Variants in SGCD observed in about 807,000 individuals in gnomAD.
SGCD encodes sarcoglycan delta.
A neutral mutation model predicts 36.6 loss-of-function variants in SGCD; 18 were observed. The observed-to-expected ratio is 0.49, with a 90% confidence interval of 0.34 to 0.73. The LOEUF is 0.73. Ranked by LOEUF, SGCD falls within the 30% of genes least tolerant of loss-of-function variation. The pLI is 0.01. For missense variants in SGCD, 387 were observed against 346.7 expected, an observed-to-expected ratio of 1.12 and a Z score of -0.92; for synonymous variants, 133 against 130.6, an observed-to-expected ratio of 1.02 and a Z score of -0.12.
At chr5:156,630,377 G>A (rs1299561172) in intron 6 of SGCD, among the ~76,000 whole-genome samples, 1 of 152,182 alleles carries the variant, frequency 6.6e-6, no homozygotes, top group Non-Finnish European at 1.5e-5. Context: ...AGATGGACAA[G>A]CAGGCAAACT....
intron 7 of SGCD, among the ~76,000 whole-genome samples, chr5:156,689,355 C>T (rs1422002579): frequency 6.6e-6 from 1 of 152,130 alleles, no homozygotes; most frequent in Non-Finnish European, 1.5e-5. Flanking sequence ...CCTTCTGATG[C>T]AAGGCACATG....
intron 3 of SGCD, among the ~76,000 whole-genome samples, chr5:156,320,908 G>A (rs1259895742): frequency 1.3e-5 from 2 of 152,130 alleles, no homozygotes; most frequent in Non-Finnish European, 2.9e-5. Context: ...CTGTTTTGAA[G>A]AGCCAGAGCA....
chr5:155,902,172 T>A (rs968388716), intron 1 of SGCD, among the ~76,000 whole-genome samples: 2 of 152,200 alleles, frequency 1.3e-5, no homozygotes, highest in Non-Finnish European at 2.9e-5. Context: ...ACTTTTCCAC[T>A]CTCAGGCTCA....
chr5:156,000,893 C>G (rs1195865956), intron 1 of SGCD, among the ~76,000 whole-genome samples: 1 of 151,954 alleles, frequency 6.6e-6, no homozygotes, highest in Non-Finnish European at 1.5e-5. Flanking sequence ...AATAAGTTCC[C>G]AGGTGTTGCT....
chr5:156,527,575 T>G (rs1437454241), intron 4 of SGCD, among the ~76,000 whole-genome samples: 3 of 152,262 alleles, frequency 2.0e-5, no homozygotes, highest in Non-Finnish European at 4.4e-5. Flanking sequence ...AGTGAGCCCT[T>G]GAGCAAGTTA....
chr5:156,569,774 C>A (rs1365026454), intron 4 of SGCD, among the ~76,000 whole-genome samples: 1 of 151,926 alleles, frequency 6.6e-6, no homozygotes, highest in Non-Finnish European at 1.5e-5. Context: ...GGAGGCACTT[C>A]CAGGCACAGA....
At chr5:156,189,113 C>T (rs1200533226) in intron 3 of SGCD, among the ~76,000 whole-genome samples, 1 of 152,162 alleles carries the variant, frequency 6.6e-6, no homozygotes, top group Non-Finnish European at 1.5e-5. Context: ...ATGGGTTCAG[C>T]CAGGAAGAAG....
intron 7 of SGCD, among the ~76,000 whole-genome samples, chr5:156,671,089 G>A (rs1753269475): frequency 1.3e-5 from 2 of 150,634 alleles, no homozygotes; most frequent in African/African-American, 2.4e-5. Context: ...ATAGCATCCT[G>A]TATTAATTTC....
chr5:156,025,458 T>C (rs1319364408), intron 1 of SGCD, among the ~76,000 whole-genome samples: 1 of 152,224 alleles, frequency 6.6e-6, no homozygotes, highest in East Asian at 1.9e-4. Context: ...TTTTCATGTT[T>C]GCCAGACTTT....
intron 3 of SGCD, among the ~76,000 whole-genome samples, chr5:156,172,320 A>C (rs1763364677): frequency 6.6e-6 from 1 of 152,092 alleles, no homozygotes; most frequent in Non-Finnish European, 1.5e-5. Context: ...AAAAAACCCA[A>C]AAAATCAGTA....
At chr5:156,288,580 A>G (rs1228959105) in intron 3 of SGCD, among the ~76,000 whole-genome samples, 1 of 152,202 alleles carries the variant, frequency 6.6e-6, no homozygotes, top group Non-Finnish European at 1.5e-5. Flanking sequence ...CAACACAGTG[A>G]AAAAATAATA....
intron 3 of SGCD, among the ~76,000 whole-genome samples, chr5:156,139,563 C>G (rs1762527672): frequency 6.6e-6 from 1 of 152,152 alleles, no homozygotes; most frequent in Non-Finnish European, 1.5e-5. Context: ...TCCTCTTAGA[C>G]TTCTTTGGAG....
At chr5:156,598,715 G>A (rs1355445690) in intron 6 of SGCD, among the ~76,000 whole-genome samples, 1 of 152,154 alleles carries the variant, frequency 6.6e-6, no homozygotes, top group Non-Finnish European at 1.5e-5. Flanking sequence ...ATCTGACTTT[G>A]CAATGGCATA....
chr5:156,487,959 AT>A (rs1169787201), intron 3 of SGCD, among the ~76,000 whole-genome samples: 1 of 55,066 alleles, frequency 1.8e-5, no homozygotes. Context: ...TGTAACATAT[AT>A]TATATATATA....
rs13328145 is a variant in SGCD at position 156,175,425 on chromosome 5, C to T, written c.-44+51406C>T. On this transcript the variant is annotated intron_variant, in intron 3 of 9. Transcript: ENST00000517913. ...ACTCTACTTAGAAAAAAAAAATATTCGTGTACCTTAACATTTACCAAATCA... is the reference window on the plus strand; with the variant it reads ...ACTCTACTTAGAAAAAAAAAATATTTGTGTACCTTAACATTTACCAAATCA... 2.4e-3 allele frequency among the ~76,000 whole-genome samples: 370 copies of T among 152,094 alleles called. 2 individuals carry two copies. Among genetic ancestry groups the T allele is most frequent in the African/African-American group, 8.4e-3 (348 of 41,496 alleles).
the SGCD span, among the ~76,000 whole-genome samples, chr5:155,759,044 A>G: frequency 6.6e-6 from 1 of 151,584 alleles, no homozygotes; most frequent in Non-Finnish European, 1.5e-5. Flanking sequence ...ATTGTGCTAT[A>G]TTGCCCAGGC....
intron 1 of SGCD, among the ~76,000 whole-genome samples, chr5:156,101,902 CTGTGTGTGTGTGTG>C (rs36187985): frequency 3.7e-5 from 4 of 108,046 alleles, no homozygotes; most frequent in African/African-American, 1.5e-4. Context: ...GTGTCTCCAG[CTGTGTGTGTGTGTG>C]TGTGTGTGTG....
At chr5:156,461,199 A>C (rs1754474456) in intron 3 of SGCD, among the ~76,000 whole-genome samples, 1 of 152,174 alleles carries the variant, frequency 6.6e-6, no homozygotes, top group Non-Finnish European at 1.5e-5. Context: ...AAAGCATGTA[A>C]AAATGTCAGA....
intron 3 of SGCD, among the ~76,000 whole-genome samples, chr5:156,239,373 C>A (rs1399644071): frequency 7.6e-6 from 1 of 130,946 alleles, no homozygotes; most frequent in Non-Finnish European, 1.6e-5. Context: ...GCCCTCCAAC[C>A]TGGGCCACAG....
Sources: allele counts gnomAD v4.1 joint callset (sites outside exome capture counted in the v4.1 genomes callset), GRCh38; gene constraint gnomAD v4.1.1; transcripts MANE v1.5; gene names NCBI Gene and HGNC (gene_info 2026-07-23, HGNC 2026-07-21).